HDAC9: variants seen among roughly 807,000 people sequenced by gnomAD.
HDAC9 encodes the protein MEF-2 interacting transcription repressor (MITR) protein.
Under a neutral mutation model 139.4 loss-of-function variants are expected in HDAC9, and 41 were observed. The ratio of observed to expected loss-of-function variants is 0.29; its 90% CI spans 0.23 to 0.38. The LOEUF is 0.38. Ranked by LOEUF, HDAC9 falls within the 10% of genes least tolerant of loss-of-function variation. HDAC9 has a pLI of 1.00. For missense variants in HDAC9, 1,147 were observed against 1,297.0 expected, an observed-to-expected ratio of 0.88 and a Z score of 1.78; for synonymous variants, 517 against 476.2, an observed-to-expected ratio of 1.09 and a Z score of -1.12.
chr7:18,686,228 A>G (rs182259372), intron 12 of HDAC9, among the ~76,000 whole-genome samples: 1 of 152,078 alleles, frequency 6.6e-6, no homozygotes, highest in African/African-American at 2.4e-5. Flanking sequence ...ATCAAATCAG[A>G]AAAGCCATTT....
intron 7 of HDAC9, among the ~76,000 whole-genome samples, chr7:18,632,777 T>C (rs1054424795): frequency 2.0e-5 from 3 of 152,060 alleles, no homozygotes; most frequent in Admixed American, 2.0e-4. Flanking sequence ...ACTTTTGCTA[T>C]AGTTCTTGAC....
At chr7:18,261,561 A>G (rs1025403475) in intron 2 of HDAC9, among the ~76,000 whole-genome samples, 4 of 152,226 alleles carry the variant, frequency 2.6e-5, no homozygotes, top group Admixed American at 2.0e-4. Context: ...AAGGGTTCTT[A>G]TCTTCATTCC....
intron 1 of HDAC9, chr7:18,162,096 T>C: frequency 1.9e-6 from 1 of 529,030 alleles, no homozygotes. Context: ...CCTGTAAGGT[T>C]GATATGACTG....
At chr7:18,586,810 C>T (rs1218881847) in intron 3 of HDAC9, among the ~76,000 whole-genome samples, 1 of 151,962 alleles carries the variant, frequency 6.6e-6, no homozygotes, top group Non-Finnish European at 1.5e-5. Flanking sequence ...TCTTTTGTCC[C>T]AAATGGAATC....
At chr7:18,718,408 A>G (rs1237848021) in intron 12 of HDAC9, among the ~76,000 whole-genome samples, 1 of 151,262 alleles carries the variant, frequency 6.6e-6, no homozygotes. Context: ...ATTTTTTTGC[A>G]TTTTAGTAGA....
chr7:18,260,845 C>T (rs569726164), intron 2 of HDAC9, among the ~76,000 whole-genome samples: 66 of 152,178 alleles, frequency 4.3e-4, no homozygotes, highest in African/African-American at 1.5e-3. Context: ...CTGCTTTCTT[C>T]CTGGAAACTG....
intron 6 of HDAC9, among the ~76,000 whole-genome samples, chr7:18,603,379 TTC>T (rs1369000032): frequency 2.0e-5 from 3 of 152,078 alleles, no homozygotes; most frequent in African/African-American, 7.2e-5. Flanking sequence ...AAATATTCAC[TTC>T]TCTCTGACTC....
intron 2 of HDAC9, among the ~76,000 whole-genome samples, chr7:18,224,073 A>G (rs898194597): frequency 6.6e-6 from 1 of 152,152 alleles, no homozygotes; most frequent in South Asian, 2.1e-4. Flanking sequence ...GATTTGGGGC[A>G]TGCTATTGTA....
At chr7:18,342,377 A>G (rs1363568945) in intron 1 of HDAC9, among the ~76,000 whole-genome samples, 1 of 151,866 alleles carries the variant, frequency 6.6e-6, no homozygotes, top group Non-Finnish European at 1.5e-5. Flanking sequence ...AAAATTTCAC[A>G]TCTCACAGGG....
At chr7:18,598,661 G>A (rs1833115472) in intron 6 of HDAC9, among the ~76,000 whole-genome samples, 1 of 152,152 alleles carries the variant, frequency 6.6e-6, no homozygotes. Flanking sequence ...CTTGTATAAG[G>A]AAATGTTATT....
At chr7:18,281,396 A>AAG (rs908151609) in intron 2 of HDAC9, among the ~76,000 whole-genome samples, 17 of 151,798 alleles carry the variant, frequency 1.1e-4, no homozygotes, top group African/African-American at 3.4e-4. Flanking sequence ...TACTTAATTT[A>AAG]AGAGAGAGAG....
At chr7:18,583,836 C>T (rs1828591111) in intron 2 of HDAC9, among the ~76,000 whole-genome samples, 1 of 152,204 alleles carries the variant, frequency 6.6e-6, no homozygotes, top group Admixed American at 6.6e-5. Flanking sequence ...TCTCCCACAA[C>T]TCCCACAAAT....
chr7:18,724,915 T>C (rs920700709), intron 12 of HDAC9, among the ~76,000 whole-genome samples: 31 of 152,024 alleles, frequency 2.0e-4, no homozygotes, highest in Non-Finnish European at 3.4e-4. Flanking sequence ...AAAAACAAAA[T>C]GTGATGGGAA....
intron 12 of HDAC9, among the ~76,000 whole-genome samples, chr7:18,676,462 CCTCT>C (rs898967532): frequency 6.6e-5 from 10 of 151,202 alleles, no homozygotes; most frequent in African/African-American, 7.3e-5. Flanking sequence ...AGCCATTTGT[CCTCT>C]CTCTATTACC....
chr7:18,821,913 T>C (rs1463231799), intron 17 of HDAC9, among the ~76,000 whole-genome samples: 1 of 152,062 alleles, frequency 6.6e-6, no homozygotes, highest in Non-Finnish European at 1.5e-5. Context: ...TAGATTACTG[T>C]TTTACTATGA....
intron 22 of HDAC9, among the ~76,000 whole-genome samples, chr7:18,875,464 A>C (rs1379222807): frequency 6.6e-6 from 1 of 152,190 alleles, no homozygotes; most frequent in Non-Finnish European, 1.5e-5. Flanking sequence ...GTGCTGTATT[A>C]ATTTAAAAAG....
chr7:18,919,662 A>G (rs1007635045), intron 22 of HDAC9, among the ~76,000 whole-genome samples: 1 of 152,056 alleles, frequency 6.6e-6, no homozygotes, highest in African/African-American at 2.4e-5. Flanking sequence ...GCAAAAGACC[A>G]GGATGAAATT....
intron 6 of HDAC9, among the ~76,000 whole-genome samples, chr7:18,600,815 G>A (rs974803731): frequency 1.3e-5 from 2 of 151,752 alleles, no homozygotes; most frequent in African/African-American, 2.4e-5. Flanking sequence ...ATAACTTACT[G>A]GAATTTTGTT....
intron 1 of HDAC9, among the ~76,000 whole-genome samples, chr7:18,137,041 T>C (rs1785474048): frequency 7.0e-6 from 1 of 142,692 alleles, no homozygotes; most frequent in Non-Finnish European, 1.5e-5. Flanking sequence ...GTTGGATTCC[T>C]AGGTATTTTA....
Sources: allele counts gnomAD v4.1 joint callset (sites outside exome capture counted in the v4.1 genomes callset), GRCh38; gene constraint gnomAD v4.1.1; transcripts MANE v1.5; gene names NCBI Gene and HGNC (gene_info 2026-07-23, HGNC 2026-07-21).